OSMR: variants seen among roughly 807,000 people sequenced by gnomAD.
OSMR encodes the protein oncostatin-M-specific receptor subunit beta.
A neutral mutation model predicts 99.9 loss-of-function variants in OSMR; 81 were observed. That is an observed-to-expected ratio of 0.81 (90% CI 0.68 to 0.97). The LOEUF is 0.97. Ranked by LOEUF, OSMR falls within the 50% of genes least tolerant of loss-of-function variation. The pLI is 0.00. For synonymous variants in OSMR, 406 were observed against 410.4 expected, an observed-to-expected ratio of 0.99 and a Z score of 0.13; for missense variants, 1,099 against 1,153.4, an observed-to-expected ratio of 0.95 and a Z score of 0.68.
chr5:38,850,737 T>C (rs143452943), intron 1 of OSMR, among the ~76,000 whole-genome samples: 1 of 152,240 alleles, frequency 6.6e-6, no homozygotes, highest in Non-Finnish European at 1.5e-5. Flanking sequence ...TTTGAGAAGA[T>C]GTGCATCAAC....
intron 9 of OSMR, 149 bp from the exon 10 acceptor site, chr5:38,917,397 T>G: frequency 6.9e-7 from 1 of 1,455,534 alleles, no homozygotes; most frequent in South Asian, 1.2e-5. Flanking sequence ...TGTGGACCAG[T>G]GGGTAGAAGT....
chr5:38,907,818 C>T (rs1361966648), intron 9 of OSMR, among the ~76,000 whole-genome samples: 4 of 152,234 alleles, frequency 2.6e-5, no homozygotes, highest in Non-Finnish European at 4.4e-5. Flanking sequence ...GGTCACCCCA[C>T]CACCACTTTG....
intron 5 of OSMR, chr5:38,885,129 G>T (rs1245566064): frequency 1.1e-6 from 1 of 950,868 alleles, no homozygotes; most frequent in East Asian, 1.2e-4. Flanking sequence ...CCATGCCCAT[G>T]ACATCTCAGA....
chr5:38,936,861 T>C (rs1747069615), downstream of OSMR, among the ~76,000 whole-genome samples: 1 of 152,208 alleles, frequency 6.6e-6, no homozygotes, highest in Non-Finnish European at 1.5e-5. Flanking sequence ...TTAAGGAAAG[T>C]TGTTTTAGTA....
At chr5:38,895,957 A>C (rs1366953448) in intron 7 of OSMR, among the ~76,000 whole-genome samples, 1 of 151,818 alleles carries the variant, frequency 6.6e-6, no homozygotes, top group Non-Finnish European at 1.5e-5. Flanking sequence ...AAATAAGTTT[A>C]CTGTAGATGT....
Position 38,904,508 on chromosome 5 carries a change from G to A in OSMR, c.1285+5G>A. On this transcript the variant is annotated splice_donor_5th_base_variant and intron_variant, in intron 9 of 17. Transcript: ENST00000274276. ...ACTTCACCACACTTGAAGCTGGTAT[G>A]TTCAGCCCCTGGCATTTAACCCAAA... The A allele has an allele frequency of 6.2e-7, 1 of 1,614,164 alleles. No individual in the cohort carries two copies. The highest frequency in any genetic ancestry group is 8.5e-7 in the Non-Finnish European group (1 of 1,180,026).
chr5:38,849,854 T>G (rs553218022), intron 1 of OSMR, among the ~76,000 whole-genome samples: 1 of 152,342 alleles, frequency 6.6e-6, no homozygotes, highest in East Asian at 1.9e-4. Flanking sequence ...TGAATGGGAA[T>G]AATAATATAA....
intron 7 of OSMR, among the ~76,000 whole-genome samples, chr5:38,887,234 T>C (rs1743844574): frequency 6.6e-6 from 1 of 152,184 alleles, no homozygotes; most frequent in South Asian, 2.1e-4. Context: ...TTAACAAAAG[T>C]TTATCATTTT....
At chr5:38,896,887 T>C (rs887079689) in intron 7 of OSMR, among the ~76,000 whole-genome samples, 4 of 152,164 alleles carry the variant, frequency 2.6e-5, no homozygotes, top group African/African-American at 9.6e-5. Context: ...CAAATGCTTT[T>C]TTAGCATCAA....
chr5:38,895,107 G>T (rs761231217), intron 7 of OSMR, among the ~76,000 whole-genome samples: 55 of 152,026 alleles, frequency 3.6e-4, no homozygotes, highest in Non-Finnish European at 5.7e-4. Flanking sequence ...GCAGTGTAAA[G>T]AATAAGTTTA....
chr5:38,936,974 A>G (rs1747076195), downstream of OSMR, among the ~76,000 whole-genome samples: 1 of 152,236 alleles, frequency 6.6e-6, no homozygotes, highest in Non-Finnish European at 1.5e-5. Flanking sequence ...GTTCAGCTAC[A>G]TTAGGACTTT....
In OSMR at chr5:38,933,539, G is replaced by T; in HGVS notation, c.*95G>T. The T allele has an allele frequency of 7.2e-7, 1 of 1,394,122 alleles. No individual in the cohort carries two copies. The highest frequency in any genetic ancestry group is 1.0e-6 in the Non-Finnish European group (1 of 990,604). The allele number at this position is 1,394,122 out of a possible 1,614,324, so 86.4% of individuals were successfully genotyped here. On this transcript the variant is annotated 3_prime_UTR_variant, in exon 18 of 18. Coordinates refer to ENST00000274276, the MANE Select transcript of OSMR (RefSeq NM_003999.3). The stretch of plus-strand genomic sequence containing the variant: ...CCAGTGGCCTTGGTCCTTAATCCCA[G>T]TACGATTTGCAGGTCTGGTTTATAT...
rs780229242 is a variant in OSMR, at chr5:38,899,386, GA to G, written c.992-4494del. ...AATGCCAGCCAAGAGCCAAGGCCTGGAATCAGAGACCCCAAGAGCCCACTTG... is the reference window on the plus strand; with the variant it reads ...AATGCCAGCCAAGAGCCAAGGCCTGGATCAGAGACCCCAAGAGCCCACTTG... On this transcript the variant is annotated intron_variant, in intron 7 of 17. Coordinates refer to ENST00000274276, the MANE Select transcript of OSMR (RefSeq NM_003999.3). 6.6e-5 allele frequency among the ~76,000 whole-genome samples: 10 copies of G among 152,226 alleles called. No homozygotes were observed. The East Asian group carries it at 1.7e-3, about 27-fold the overall frequency.
At chr5:38,914,896 T>C (rs541984668) in intron 9 of OSMR, among the ~76,000 whole-genome samples, 114 of 152,288 alleles carry the variant, frequency 7.5e-4, no homozygotes, top group Admixed American at 4.1e-3. Flanking sequence ...GCCCACTGTT[T>C]GGGTGATGGG....
intron 7 of OSMR, among the ~76,000 whole-genome samples, chr5:38,888,907 G>C (rs1743972148): frequency 6.6e-6 from 1 of 151,984 alleles, no homozygotes; most frequent in Non-Finnish European, 1.5e-5. Context: ...GTTTTACTCT[G>C]GTCGTTGTAT....
intron 2 of OSMR, among the ~76,000 whole-genome samples, chr5:38,874,377 C>T (rs1279426355): frequency 6.6e-6 from 1 of 152,140 alleles, no homozygotes; most frequent in East Asian, 1.9e-4. Context: ...CACAAGGTAA[C>T]TTTCAGGGAA....
intron 11 of OSMR, 80 bp from the exon 12 acceptor site, chr5:38,921,535 T>G: frequency 6.2e-7 from 1 of 1,604,190 alleles, no homozygotes; most frequent in Non-Finnish European, 8.5e-7. Flanking sequence ...TGCATGTATG[T>G]ATTTACTTTC....
chr5:38,876,757 T>C (rs1424198093), intron 3 of OSMR, among the ~76,000 whole-genome samples: 1 of 152,174 alleles, frequency 6.6e-6, no homozygotes, highest in African/African-American at 2.4e-5. Flanking sequence ...TTTGGCAACA[T>C]TTTTCTTTCC....
chr5:38,925,512 T>C, intron 15 of OSMR, 141 bp downstream of exon 15: 1 of 757,752 alleles, frequency 1.3e-6, no homozygotes, highest in Non-Finnish European at 2.4e-6. Context: ...TTTCTCTTGA[T>C]GAAACCCTTT....
Sources: allele counts gnomAD v4.1 joint callset (sites outside exome capture counted in the v4.1 genomes callset), GRCh38; gene constraint gnomAD v4.1.1; transcripts MANE v1.5; gene names NCBI Gene and HGNC (gene_info 2026-07-23, HGNC 2026-07-21).